CDYL: variants seen among roughly 807,000 people sequenced by gnomAD.
The protein encoded by CDYL is chromodomain Y-like protein.
A neutral mutation model predicts 47.3 loss-of-function variants in CDYL; 8 were observed. That is an observed-to-expected ratio of 0.17 (90% CI 0.10 to 0.31). The LOEUF is 0.31. CDYL is among the 10% of genes least tolerant of loss of function. The pLI, the probability that CDYL is intolerant of heterozygous loss-of-function variation, is 1.00. For synonymous variants in CDYL, 266 were observed against 265.0 expected, an observed-to-expected ratio of 1.00 and a Z score of -0.04; for missense variants, 471 against 701.4, an observed-to-expected ratio of 0.67 and a Z score of 3.71.
chr6:4,892,198 G>C lies in CDYL; in HGVS notation c.510G>C (p.Glu170Asp), dbSNP rs771854902. ...GCCCTGAGAAACTGGACCCCGTCGA[G>C]CAGGGTCAGGAGGACACAGTGGCAC... is the stretch of plus-strand genomic sequence containing the variant. ...SESPEKLDPV[E>D]QGQEDTVAPE... Residue 170 changes from glutamate to aspartate, a missense_variant, in exon 2 of 7, where the codon GAG becomes GAC. Around this residue, in one of 3 missense-constraint regions of CDYL, gnomAD observed 311 missense variants for 350.0 expected, o/e 0.89. Coordinates refer to ENST00000397588, the MANE Select transcript of CDYL (RefSeq NM_004824.4). 1 of 1,614,230 alleles carries C rather than the reference G, an allele frequency of 6.2e-7. No individual in the cohort carries two copies. The highest frequency in any genetic ancestry group is 1.3e-5 in the African/African-American group (1 of 75,066).
chr6:4,735,729 G>A (rs1757690780), intron 3 of CDYL, among the ~76,000 whole-genome samples: 2 of 151,892 alleles, frequency 1.3e-5, no homozygotes, highest in African/African-American at 4.8e-5. Flanking sequence ...TCGCTCCACT[G>A]CACTCTAGCA....
chr6:4,849,802 T>C (rs532007510), intron 1 of CDYL, among the ~76,000 whole-genome samples: 1 of 152,068 alleles, frequency 6.6e-6, no homozygotes, highest in South Asian at 2.1e-4. Flanking sequence ...GAAACAGTAC[T>C]AATGAACTGC....
At chr6:4,816,498 CT>C (rs1332068497) in intron 1 of CDYL, among the ~76,000 whole-genome samples, 7,877 of 127,550 alleles carry the variant, frequency 0.062, 717 homozygotes, top group African/African-American at 0.21. Flanking sequence ...TTCTTTCTTT[CT>C]TTTTTTTTTT....
At chr6:4,891,009 A>G (rs186062417) in intron 1 of CDYL, among the ~76,000 whole-genome samples, 11 of 152,340 alleles carry the variant, frequency 7.2e-5, no homozygotes, top group Non-Finnish European at 1.2e-4. Context: ...CGGTGATAAA[A>G]CGTGCTTACA....
At chr6:4,914,415 A>G (rs1757499426) in intron 2 of CDYL, among the ~76,000 whole-genome samples, 1 of 152,144 alleles carries the variant, frequency 6.6e-6, no homozygotes, top group Non-Finnish European at 1.5e-5. Flanking sequence ...CTGTCGTGCC[A>G]GTCCACACGC....
chr6:4,752,255 T>C lies in CDYL; in HGVS notation c.186+17411T>C, dbSNP rs190453340. 1.0e-3 allele frequency among the ~76,000 whole-genome samples: 157 copies of C among 152,286 alleles called. 3 individuals are homozygous for C. The highest frequency in any genetic ancestry group is 0.01 in the Admixed American group (157 of 15,300). ...AAGGGTAGAGATCTGTTGCAGCTTC[T>C]GGGCAGCCGTTCCCTTCCTTCCCAA... On this transcript the variant is annotated intron_variant, in intron 3 of 8. Coordinates refer to the CDYL transcript ENST00000328908.
In CDYL at chr6:4,719,602, C is replaced by T. The variant is rs1410586955; in HGVS notation, c.103+3721C>T. 2.6e-5 allele frequency among the ~76,000 whole-genome samples: 4 copies of T among 152,076 alleles called. 1 individual carries two copies. The highest frequency in any genetic ancestry group is 4.8e-5 in the African/African-American group (2 of 41,414). ...TTTTCATGAAGATTAAAATGACTTC[C>T]AGAGCCAAGGAATGAAGCTATAATG... is the stretch of plus-strand genomic sequence containing the variant. On this transcript the variant is annotated intron_variant, in intron 2 of 8. Coordinates refer to the CDYL transcript ENST00000328908.
chr6:4,863,134 T>C (rs373939264), intron 1 of CDYL, among the ~76,000 whole-genome samples: 1 of 152,156 alleles, frequency 6.6e-6, no homozygotes, highest in Admixed American at 6.5e-5. Context: ...CACTTATAAG[T>C]GGGAACTAAA....
intron 3 of CDYL, among the ~76,000 whole-genome samples, chr6:4,768,709 C>T (rs1758292749): frequency 6.6e-6 from 1 of 152,134 alleles, no homozygotes; most frequent in Non-Finnish European, 1.5e-5. Flanking sequence ...GTGGGCTGCT[C>T]AAAGTGACTC....
chr6:4,943,755 C>T lies in CDYL; in HGVS notation c.1331C>T (p.Ser444Phe). The part of the protein sequence containing the change: ...VMFPKIMGGA[S>F]ANEMLLSGRK... ...TTTCCCAAGATAATGGGAGGAGCAT[C>T]TGTGAGTACCTTTTTAAAAAAAAAA... The change falls in exon 5 of 7, where the codon TCT (serine) becomes TTT (phenylalanine). Residue 444 changes from serine to phenylalanine, a missense_variant and splice_region_variant. Ser to Phe is a radical substitution (Grantham distance 155). Transcript: ENST00000397588. 3 of 1,428,944 alleles carry T rather than the reference C, an allele frequency of 2.1e-6. No individual in the cohort carries two copies. Among genetic ancestry groups the T allele is most frequent in the Non-Finnish European group, 1.9e-6 (2 of 1,056,252 alleles). The allele number at this position is 1,428,944 out of a possible 1,614,324, so 88.5% of individuals were successfully genotyped here.
intron 3 of CDYL, among the ~76,000 whole-genome samples, chr6:4,742,625 G>T (rs2127417417): frequency 6.6e-6 from 1 of 152,290 alleles, no homozygotes. Context: ...TGCAGGTATT[G>T]GTCCATAGCA....
At chr6:4,735,526 G>A (rs1464132686) in intron 3 of CDYL, among the ~76,000 whole-genome samples, 2 of 152,086 alleles carry the variant, frequency 1.3e-5, no homozygotes, top group Admixed American at 6.6e-5. Context: ...CCCTTTGGGA[G>A]GCCTAGGTGG....
intron 1 of CDYL, among the ~76,000 whole-genome samples, chr6:4,799,545 A>T (rs1759168480): frequency 6.6e-6 from 1 of 152,130 alleles, no homozygotes. Flanking sequence ...TCTCAGGCTC[A>T]GATGATCCTC....
At chr6:4,736,069 C>T (rs1429398903) in intron 3 of CDYL, among the ~76,000 whole-genome samples, 1 of 152,202 alleles carries the variant, frequency 6.6e-6, no homozygotes, top group African/African-American at 2.4e-5. Flanking sequence ...CTGTTTCCCA[C>T]TCCCCCAGCC....
At chr6:4,787,079 C>T (rs941710962) in intron 1 of CDYL, among the ~76,000 whole-genome samples, 3 of 152,332 alleles carry the variant, frequency 2.0e-5, no homozygotes, top group South Asian at 2.1e-4. Flanking sequence ...AACTGTCTTA[C>T]ACCCCAGGCA....
intron 1 of CDYL, among the ~76,000 whole-genome samples, chr6:4,821,033 T>G (rs1759820001): frequency 6.6e-6 from 1 of 152,188 alleles, no homozygotes; most frequent in Non-Finnish European, 1.5e-5. Context: ...CTAACCTGGC[T>G]TTTGATTGTA....
intron 1 of CDYL, among the ~76,000 whole-genome samples, chr6:4,799,832 GTTGT>G (rs1434405914): frequency 6.6e-6 from 1 of 151,824 alleles, no homozygotes; most frequent in Non-Finnish European, 1.5e-5. Flanking sequence ...TTGTGCATTG[GTTGT>G]TTCTGTTTCT....
At chr6:4,912,216 C>T (rs1397477504) in intron 2 of CDYL, among the ~76,000 whole-genome samples, 1 of 121,440 alleles carries the variant, frequency 8.2e-6, no homozygotes, top group African/African-American at 3.1e-5. Context: ...GTCCTTTCAC[C>T]TGTTTCCAAG....
At chr6:4,942,509 G>A (rs1758389243) in intron 4 of CDYL, among the ~76,000 whole-genome samples, 1 of 152,200 alleles carries the variant, frequency 6.6e-6, no homozygotes, top group Non-Finnish European at 1.5e-5. Context: ...TTAGAATCCA[G>A]CAAGTGAAAA....
Sources: allele counts gnomAD v4.1 joint callset (sites outside exome capture counted in the v4.1 genomes callset), GRCh38; gene constraint gnomAD v4.1.1; regional missense constraint gnomAD v4.1.1; transcripts MANE v1.5; gene names NCBI Gene and HGNC (gene_info 2026-07-23, HGNC 2026-07-21).